Variants in EVA1A observed in about 807,000 individuals in gnomAD.
The protein encoded by EVA1A is protein eva-1 homolog A.
Under a neutral mutation model 9.8 loss-of-function variants are expected in EVA1A, and 7 were observed. That is an observed-to-expected ratio of 0.71 (90% CI 0.41 to 1.34). The LOEUF is 1.34. EVA1A is among the 40% of genes most tolerant of loss of function. The pLI, the probability that EVA1A is intolerant of heterozygous loss-of-function variation, is 0.01. For synonymous variants in EVA1A, 90 were observed against 85.6 expected (o/e 1.05, Z -0.28); for missense variants, 206 against 205.9 (o/e 1.00, Z 0.00).
intron 3 of EVA1A, among the ~76,000 whole-genome samples, chr2:75,500,953 AT>A (rs2103786015): frequency 6.6e-6 from 1 of 151,554 alleles, no homozygotes; most frequent in South Asian, 2.1e-4. Flanking sequence ...TCCACCTTCA[AT>A]TAATTTTGCA....
upstream of EVA1A, among the ~76,000 whole-genome samples, chr2:75,563,124 A>G (rs1676958074): frequency 6.6e-6 from 1 of 152,216 alleles, no homozygotes; most frequent in African/African-American, 2.4e-5. Flanking sequence ...TGTCTCACTT[A>G]TAAACATTGC....
chr2:75,492,942 A>G lies in EVA1A; in HGVS notation c.*294T>C, dbSNP rs910069690. 1 of 390,006 alleles carries G rather than the reference A, an allele frequency of 2.6e-6. No individual in the cohort carries two copies. Among genetic ancestry groups the G allele is most frequent in the South Asian group, 5.3e-5 (1 of 18,812 alleles). The allele number at this position is 390,006 out of a possible 1,614,324, so 24.2% of individuals were successfully genotyped here. A position where few individuals can be genotyped will look rare whatever the true frequency, so the allele number is the denominator to read the frequency against. ...GTCTGCTGAAACTTCTGAGATCCTC[A>G]GAAATCAAGAGAAACCACAGTCGCG... On this transcript the variant is annotated 3_prime_UTR_variant, in exon 4 of 4. Transcript: ENST00000393913.
chr2:75,495,564 C>T (rs867016786), intron 3 of EVA1A, among the ~76,000 whole-genome samples: 9 of 152,152 alleles, frequency 5.9e-5, no homozygotes, highest in African/African-American at 2.2e-4. Context: ...AATTCAAATA[C>T]AAAAACTTCA....
chr2:75,545,205 G>T (rs1389635227), intron 1 of EVA1A, among the ~76,000 whole-genome samples: 2 of 152,188 alleles, frequency 1.3e-5, no homozygotes, highest in Non-Finnish European at 2.9e-5. Context: ...AGCAGGAAAA[G>T]ATGTAAGAAA....
chr2:75,534,421 C>T (rs1201496903), intron 1 of EVA1A, among the ~76,000 whole-genome samples: 1 of 150,820 alleles, frequency 6.6e-6, no homozygotes, highest in Non-Finnish European at 1.5e-5. Flanking sequence ...GGAGCAACCA[C>T]TAGAAAAACT....
At chr2:75,538,198 G>A (rs773821699) in intron 1 of EVA1A, among the ~76,000 whole-genome samples, 2 of 152,202 alleles carry the variant, frequency 1.3e-5, no homozygotes, top group Non-Finnish European at 2.9e-5. Flanking sequence ...GCTGAGACAG[G>A]AGAATTGCTT....
At chr2:75,567,208 T>C (rs1224390332) in intron 1 of EVA1A, among the ~76,000 whole-genome samples, 1 of 152,218 alleles carries the variant, frequency 6.6e-6, no homozygotes, top group Non-Finnish European at 1.5e-5. Flanking sequence ...TGACTCTCAT[T>C]ATAAAATTGA....
Position 75,493,212 on chromosome 2 carries a change from T to TG in EVA1A, c.*23dup. 6.3e-7 allele frequency: 1 copy of TG among 1,587,238 alleles called. No homozygotes were observed. The highest frequency in any genetic ancestry group is 8.6e-7 in the Non-Finnish European group (1 of 1,165,742). On this transcript the variant is annotated 3_prime_UTR_variant, in exon 4 of 4. Transcript: ENST00000393913. Reference sequence around the variant, plus strand: ...GCTCTCCTTTCCAGGCGGCCTCCAGTGGTTTCCGGGGTCCTGCTGCTCCCT... The same window carrying TG: ...GCTCTCCTTTCCAGGCGGCCTCCAGTGGGTTTCCGGGGTCCTGCTGCTCCCT...
intron 1 of EVA1A, among the ~76,000 whole-genome samples, chr2:75,528,390 C>T (rs1675528354): frequency 6.6e-6 from 1 of 152,170 alleles, no homozygotes; most frequent in South Asian, 2.1e-4. Context: ...AAGATCTCAG[C>T]CCTGTGCACC....
At chr2:75,540,003 G>T (rs1373841954) in intron 1 of EVA1A, among the ~76,000 whole-genome samples, 1 of 152,188 alleles carries the variant, frequency 6.6e-6, no homozygotes, top group Non-Finnish European at 1.5e-5. Flanking sequence ...TGGCAGGGAT[G>T]ATTTAAGAAG....
chr2:75,546,687 C>T (rs1449748650), intron 1 of EVA1A, among the ~76,000 whole-genome samples: 1 of 152,064 alleles, frequency 6.6e-6, no homozygotes, highest in Non-Finnish European at 1.5e-5. Context: ...TGAATTGTGT[C>T]TTTTCCCCTA....
chr2:75,513,472 A>T (rs1674889621), intron 3 of EVA1A, among the ~76,000 whole-genome samples: 1 of 151,688 alleles, frequency 6.6e-6, no homozygotes, highest in African/African-American at 2.4e-5. Context: ...TGTATTCAAC[A>T]TTTTTTTTAG....
At chr2:75,533,679 G>A (rs1392202653) in intron 1 of EVA1A, among the ~76,000 whole-genome samples, 1 of 152,046 alleles carries the variant, frequency 6.6e-6, no homozygotes, top group African/African-American at 2.4e-5. Flanking sequence ...GCTCACACCT[G>A]TAATCCCAGC....
At chr2:75,538,953 G>A (rs1342650748) in intron 1 of EVA1A, among the ~76,000 whole-genome samples, 1 of 152,208 alleles carries the variant, frequency 6.6e-6, no homozygotes, top group Non-Finnish European at 1.5e-5. Flanking sequence ...TCCCGGTTGT[G>A]ATATTGTAGC....
At chr2:75,568,481 AT>A (rs1487464521) in intron 1 of EVA1A, among the ~76,000 whole-genome samples, 4 of 151,726 alleles carry the variant, frequency 2.6e-5, no homozygotes, top group Non-Finnish European at 5.9e-5. Flanking sequence ...TTATTTTATT[AT>A]TTTGGGAGTA....
At chr2:75,534,166 G>A (rs1675789049) in intron 1 of EVA1A, among the ~76,000 whole-genome samples, 1 of 152,068 alleles carries the variant, frequency 6.6e-6, no homozygotes, top group Non-Finnish European at 1.5e-5. Context: ...TTAAGTCCAG[G>A]AATTCAAGCC....
At chr2:75,555,903 G>A (rs1003941749) in intron 1 of EVA1A, among the ~76,000 whole-genome samples, 1 of 152,178 alleles carries the variant, frequency 6.6e-6, no homozygotes, top group Non-Finnish European at 1.5e-5. Flanking sequence ...TACACGTTAA[G>A]GCCAAGCTCA....
chr2:75,494,090 C>G (rs1198804053), intron 3 of EVA1A, among the ~76,000 whole-genome samples: 1 of 152,190 alleles, frequency 6.6e-6, no homozygotes, highest in Non-Finnish European at 1.5e-5. Flanking sequence ...CTTGTGCAAT[C>G]CTCTCCCCTC....
chr2:75,494,857 C>T (rs1674151488), intron 3 of EVA1A, among the ~76,000 whole-genome samples: 1 of 152,146 alleles, frequency 6.6e-6, no homozygotes, highest in Admixed American at 6.5e-5. Context: ...AGCAGGTTAA[C>T]TGAAAGGGGA....
Sources: gnomAD v4.1 joint callset for allele counts (sites outside exome capture counted in the v4.1 genomes callset) on GRCh38, gnomAD v4.1.1 for gene constraint, MANE v1.5 for transcripts, NCBI Gene and HGNC (gene_info 2026-07-23, HGNC 2026-07-21) for gene names.